The following PIGF variants were observed in gnomAD, a reference collection of about 807,000 sequenced individuals.
PIGF encodes the protein GPI ethanolamine phosphate transferase, stabilizing subunit.
A neutral mutation model predicts 26.0 loss-of-function variants in PIGF; 23 were observed. The observed-to-expected ratio is 0.88, with a 90% CI of 0.64 to 1.25. The LOEUF (loss-of-function observed/expected upper bound fraction) is 1.25. Ranked by LOEUF, PIGF falls within the 50% of genes most tolerant of loss-of-function variation. PIGF has a pLI of 0.00. For missense variants in PIGF, 278 were observed against 249.9 expected, an observed-to-expected ratio of 1.11 and a Z score of -0.76; for synonymous variants, 93 against 92.6, an observed-to-expected ratio of 1.00 and a Z score of -0.03.
intron 5 of PIGF, chr2:46,592,072 C>A: frequency 1.1e-6 from 1 of 876,156 alleles, no homozygotes. Flanking sequence ...CCTATACTGG[C>A]TGGGCTCGGT....
chr2:46,591,371 G>C, intron 5 of PIGF: 2 of 231,258 alleles, frequency 8.6e-6, no homozygotes, highest in Non-Finnish European at 1.4e-5. Flanking sequence ...GGTGGTTGGG[G>C]AGGAAAGTAA....
intron 4 of PIGF, among the ~76,000 whole-genome samples, chr2:46,593,410 C>T (rs1002401236): frequency 6.6e-6 from 1 of 152,234 alleles, no homozygotes; most frequent in African/African-American, 2.4e-5. Context: ...GGATTATAGG[C>T]ATGAGCCACT....
intron 4 of PIGF, among the ~76,000 whole-genome samples, chr2:46,595,266 T>C (rs1669848438): frequency 6.6e-6 from 1 of 152,196 alleles, no homozygotes; most frequent in Non-Finnish European, 1.5e-5. Flanking sequence ...TCACTCTCCA[T>C]TTCTCCTTCC....
chr2:46,613,965 C>G (rs1338046472), intron 2 of PIGF, 180 bp from the exon 3 acceptor site: 2 of 515,208 alleles, frequency 3.9e-6, no homozygotes, highest in Admixed American at 8.2e-5. Context: ...TCGATACAGA[C>G]TAAAAAAGCC....
chr2:46,594,593 T>G (rs1386805454), intron 4 of PIGF, among the ~76,000 whole-genome samples: 3 of 151,242 alleles, frequency 2.0e-5, no homozygotes, highest in Non-Finnish European at 2.9e-5. Flanking sequence ...TGGAGTGTAA[T>G]AGAGTGATCT....
chr2:46,612,937 A>G (rs1477409554), intron 3 of PIGF, among the ~76,000 whole-genome samples: 5 of 152,256 alleles, frequency 3.3e-5, no homozygotes, highest in Middle Eastern at 3.4e-3. Flanking sequence ...TCTGCTTTAA[A>G]ATGGATTAGA....
intron 4 of PIGF, among the ~76,000 whole-genome samples, chr2:46,608,794 G>C (rs1019455609): frequency 1.3e-5 from 2 of 152,042 alleles, no homozygotes; most frequent in African/African-American, 2.4e-5. Context: ...CTGAGCAGTA[G>C]GTCTCAAAAG....
At chr2:46,598,529 A>ATT (rs747263045) in intron 4 of PIGF, among the ~76,000 whole-genome samples, 29,206 of 103,110 alleles carry the variant, frequency 0.28, 5,063 homozygotes, top group Admixed American at 0.31. Context: ...ACATTATGAG[A>ATT]TTTTTTTTTT....
intron 5 of PIGF, among the ~76,000 whole-genome samples, chr2:46,590,297 G>A (rs1213945112): frequency 1.3e-5 from 2 of 152,050 alleles, no homozygotes; most frequent in African/African-American, 4.8e-5. Context: ...AGCACTGAGG[G>A]AGAAAAATGG....
chr2:46,609,863 G>A (rs2104132252), intron 4 of PIGF, among the ~76,000 whole-genome samples: 1 of 152,220 alleles, frequency 6.6e-6, no homozygotes, highest in Non-Finnish European at 1.5e-5. Flanking sequence ...CACCATAATA[G>A]ATATAATAAT....
chr2:46,616,492 A>G (rs1531133), intron 1 of PIGF: 75,600 of 152,478 alleles, frequency 0.5, 20,452 homozygotes, highest in African/African-American at 0.72. Context: ...AACCAGAGTA[A>G]GCAAAGAGGG....
chr2:46,590,655 T>C (rs911118806), intron 5 of PIGF, among the ~76,000 whole-genome samples: 3 of 152,224 alleles, frequency 2.0e-5, no homozygotes, highest in Non-Finnish European at 4.4e-5. Context: ...CAATTTTCTG[T>C]GTATACTTTT....
chr2:46,601,807 A>C (rs1236887404), intron 4 of PIGF, among the ~76,000 whole-genome samples: 3 of 152,044 alleles, frequency 2.0e-5, no homozygotes, highest in Non-Finnish European at 1.5e-5. Context: ...TTGTCTACAC[A>C]AATAGGTCTT....
chr2:46,612,816 C>A (rs1403645731), intron 3 of PIGF, among the ~76,000 whole-genome samples: 1 of 152,126 alleles, frequency 6.6e-6, no homozygotes, highest in African/African-American at 2.4e-5. Flanking sequence ...TTGGTGGGGG[C>A]TCTACCCCTA....
At chr2:46,585,352 T>C (rs1285549838) in intron 5 of PIGF, among the ~76,000 whole-genome samples, 3 of 152,168 alleles carry the variant, frequency 2.0e-5, no homozygotes, top group Non-Finnish European at 4.4e-5. Flanking sequence ...AGAAACAACC[T>C]ATGGTGTATA....
Position 46,616,991 on chromosome 2 carries a change from G to A in PIGF, c.-43C>T. On this transcript the variant is annotated 5_prime_UTR_variant, in exon 1 of 6. Transcript: ENST00000281382. Reference sequence around the variant, plus strand: ...TTACCTAACTCTCCCTCCCGCGGAAGGGAAGCGGGGAACTACTGCCTCCTA... The same window carrying A: ...TTACCTAACTCTCCCTCCCGCGGAAAGGAAGCGGGGAACTACTGCCTCCTA... 1 of 548,856 alleles carries A rather than the reference G, an allele frequency of 1.8e-6. No individual in the cohort carries two copies. Among genetic ancestry groups the A allele is most frequent in the Non-Finnish European group, 3.2e-6 (1 of 308,140 alleles). 34.0% of individuals were successfully genotyped at this position (548,856 alleles called of 1,614,324 possible).
intron 2 of PIGF, chr2:46,614,612 G>T (rs1246463328): frequency 6.0e-6 from 1 of 166,304 alleles, no homozygotes; most frequent in African/African-American, 2.4e-5. Flanking sequence ...AAAATAAACT[G>T]CAATGTCTTA....
chr2:46,603,124 A>C (rs1023969474), intron 4 of PIGF, among the ~76,000 whole-genome samples: 18 of 152,192 alleles, frequency 1.2e-4, no homozygotes, highest in African/African-American at 4.1e-4. Flanking sequence ...GCTACAAATA[A>C]AATTAAATAT....
chr2:46,612,165 G>GA, intron 4 of PIGF, 63 bp downstream of exon 4: 1 of 536,484 alleles, frequency 1.9e-6, no homozygotes, highest in Non-Finnish European at 3.1e-6. Context: ...GCCATGAATA[G>GA]AAAAATACTT....
Sources: gnomAD v4.1 joint callset for allele counts (sites outside exome capture counted in the v4.1 genomes callset) on GRCh38, gnomAD v4.1.1 for gene constraint, MANE v1.5 for transcripts, NCBI Gene and HGNC (gene_info 2026-07-23, HGNC 2026-07-21) for gene names.